SEMA3A: variants seen among roughly 807,000 people sequenced by gnomAD.
The protein encoded by SEMA3A is semaphorin-3A.
In SEMA3A, 29 loss-of-function variants were observed where a neutral mutation model predicts 97.9. The observed-to-expected ratio is 0.30, with a 90% CI of 0.22 to 0.40. SEMA3A has a LOEUF of 0.40. Among genes scored for constraint, SEMA3A ranks in the 10% least tolerant of loss-of-function variants. The pLI is 1.00. For missense variants in SEMA3A, 763 were observed against 951.3 expected, an observed-to-expected ratio of 0.80 and a Z score of 2.60; for synonymous variants, 321 against 323.7, an observed-to-expected ratio of 0.99 and a Z score of 0.09.
chr7:84,068,145 A>T (rs1436566809), intron 4 of SEMA3A, among the ~76,000 whole-genome samples: 15 of 138,292 alleles, frequency 1.1e-4, no homozygotes, highest in Admixed American at 8.0e-4. Context: ...AAATTGGAAA[A>T]CATCATTCTC....
intron 1 of SEMA3A, among the ~76,000 whole-genome samples, chr7:84,153,822 T>G (rs942095407): frequency 1.1e-4 from 16 of 152,102 alleles, no homozygotes; most frequent in African/African-American, 3.1e-4. Context: ...ATAGTTCAAA[T>G]AAAAGTTAAA....
chr7:84,442,251 T>C (rs966202694), intron 1 of SEMA3A, among the ~76,000 whole-genome samples: 2 of 152,158 alleles, frequency 1.3e-5, no homozygotes, highest in Non-Finnish European at 2.9e-5. Context: ...CTGAGACTAG[T>C]ATATTATAAA....
chr7:84,449,313 T>C (rs1805502801), intron 1 of SEMA3A, among the ~76,000 whole-genome samples: 1 of 152,156 alleles, frequency 6.6e-6, no homozygotes, highest in Non-Finnish European at 1.5e-5. Context: ...CAGCCATCTT[T>C]AGGAAGCTAT....
chr7:84,414,350 A>G (rs1584305580), intron 1 of SEMA3A, among the ~76,000 whole-genome samples: 2 of 151,892 alleles, frequency 1.3e-5, no homozygotes, highest in East Asian at 3.9e-4. Flanking sequence ...GTAATAATTA[A>G]CTCAACAAAA....
chr7:84,346,522 A>G (rs1044220395), intron 2 of SEMA3A, among the ~76,000 whole-genome samples: 4 of 152,138 alleles, frequency 2.6e-5, no homozygotes, highest in African/African-American at 9.7e-5. Flanking sequence ...CAGGCTATTA[A>G]TTGGCCTAAT....
chr7:84,055,076 T>C (rs6961314), intron 5 of SEMA3A, among the ~76,000 whole-genome samples: 19,395 of 149,512 alleles, frequency 0.13, 1,552 homozygotes, highest in East Asian at 0.38. Context: ...GATCTCCAGC[T>C]GCGTGCTGGG....
At chr7:84,419,486 C>G (rs533876346) in intron 1 of SEMA3A, among the ~76,000 whole-genome samples, 2 of 146,386 alleles carry the variant, frequency 1.4e-5, no homozygotes, top group East Asian at 4.0e-4. Flanking sequence ...GGGTATACTT[C>G]AAAACATTGT....
chr7:84,320,482 T>C (rs77966121), intron 2 of SEMA3A, among the ~76,000 whole-genome samples: 3,897 of 152,222 alleles, frequency 0.026, 170 homozygotes, highest in African/African-American at 0.089. Flanking sequence ...TACTTTATAT[T>C]GCTAGCATCA....
intron 1 of SEMA3A, among the ~76,000 whole-genome samples, chr7:84,375,699 A>C (rs1803080628): frequency 6.6e-6 from 1 of 152,160 alleles, no homozygotes; most frequent in Non-Finnish European, 1.5e-5. Context: ...GGAATATTCA[A>C]AATTCTATCT....
intron 2 of SEMA3A, among the ~76,000 whole-genome samples, chr7:84,357,448 C>CT (rs1193008435): frequency 6.6e-6 from 1 of 152,010 alleles, no homozygotes; most frequent in African/African-American, 2.4e-5. Flanking sequence ...ATCCATGTCC[C>CT]TACAAAGGAC....
At position 84,321,837 on chromosome 7, in the gene SEMA3A, C is replaced by A. The variant is rs530248224; in HGVS notation, c.-168-14545G>T. On this transcript the variant is annotated intron_variant, in intron 2 of 3. Coordinates refer to the SEMA3A transcript ENST00000424555. ...GTTGCAGTGAGCCAAGATAGTGCCACTGCACTCCAGCCTGGCCGACAGAGC... is the reference window on the plus strand; with the variant it reads ...GTTGCAGTGAGCCAAGATAGTGCCAATGCACTCCAGCCTGGCCGACAGAGC... Among the ~76,000 whole-genome samples the A allele has an allele frequency of 2.9e-3, 371 of 127,728 alleles. 3 individuals are homozygous for A. The highest frequency in any genetic ancestry group is 0.011 in the African/African-American group (360 of 33,012). The allele number at this position is 127,728 out of a possible 152,430, so 83.8% of individuals were successfully genotyped here.
intron 4 of SEMA3A, among the ~76,000 whole-genome samples, chr7:84,074,578 C>A (rs1020432592): frequency 9.1e-4 from 138 of 152,044 alleles, no homozygotes; most frequent in African/African-American, 3.3e-3. Context: ...AAATAAGGTA[C>A]TACAATTAAT....
At chr7:84,424,513 T>TAAA (rs1343768337) in intron 1 of SEMA3A, among the ~76,000 whole-genome samples, 2 of 78,768 alleles carry the variant, frequency 2.5e-5, no homozygotes, top group East Asian at 8.6e-4. Context: ...TATATAAATA[T>TAAA]TAATATATGT....
chr7:84,067,709 A>G (rs1210868782), intron 4 of SEMA3A, among the ~76,000 whole-genome samples: 1 of 151,752 alleles, frequency 6.6e-6, no homozygotes, highest in Non-Finnish European at 1.5e-5. Flanking sequence ...AATGCAAATC[A>G]AAACCACAAT....
intron 5 of SEMA3A, among the ~76,000 whole-genome samples, chr7:84,051,059 A>T (rs567168761): frequency 0.014 from 2,158 of 151,546 alleles, 53 homozygotes; most frequent in African/African-American, 0.05. Flanking sequence ...GTTCTGTTCC[A>T]TTGATCTATA....
chr7:83,999,104 T>C (rs1346996509), intron 12 of SEMA3A, among the ~76,000 whole-genome samples: 3 of 152,164 alleles, frequency 2.0e-5, no homozygotes, highest in Non-Finnish European at 4.4e-5. Context: ...ATTGAAAATG[T>C]TAGGCAATAG....
intron 1 of SEMA3A, among the ~76,000 whole-genome samples, chr7:84,421,246 G>A (rs1377305386): frequency 5.3e-5 from 8 of 151,930 alleles, no homozygotes; most frequent in Non-Finnish European, 8.8e-5. Context: ...GCTGAAAGAA[G>A]AAAGTCAAAC....
At chr7:84,421,981 T>C (rs1804608097) in intron 1 of SEMA3A, among the ~76,000 whole-genome samples, 1 of 152,124 alleles carries the variant, frequency 6.6e-6, no homozygotes, top group Admixed American at 6.6e-5. Context: ...ACATTTTCTT[T>C]TTTTGTTGTG....
chr7:84,026,603 C>T (rs139530140), intron 6 of SEMA3A, among the ~76,000 whole-genome samples: 1 of 152,216 alleles, frequency 6.6e-6, no homozygotes, highest in African/African-American at 2.4e-5. Flanking sequence ...CCTAAATGCC[C>T]ATCAATGACA....
Sources: gnomAD v4.1 joint callset for allele counts (sites outside exome capture counted in the v4.1 genomes callset) on GRCh38, gnomAD v4.1.1 for gene constraint, MANE v1.5 for transcripts, NCBI Gene and HGNC (gene_info 2026-07-23, HGNC 2026-07-21) for gene names.